Variants in SPAG9 observed in about 807,000 individuals in gnomAD.
SPAG9 encodes the protein C-Jun-amino-terminal kinase-interacting protein 4.
SPAG9 carries 35 observed loss-of-function variants against 166.5 expected under a neutral mutation model. The ratio of observed to expected loss-of-function variants is 0.21; its 90% CI spans 0.16 to 0.28. SPAG9 has a LOEUF of 0.28. SPAG9 is among the 10% of genes least tolerant of loss of function. SPAG9 has a pLI of 1.00. For missense variants in SPAG9, 1,235 were observed against 1,603.3 expected (o/e 0.77, Z 3.92); for synonymous variants, 534 against 565.5 (o/e 0.94, Z 0.79).
In SPAG9 at chr17:51,075,111, G is replaced by A. The variant is rs576833677; in HGVS notation, c.424+4473C>T. On this transcript the variant is annotated intron_variant, in intron 2 of 29. Coordinates refer to ENST00000262013, the MANE Select transcript of SPAG9 (RefSeq NM_001130528.3). ...CTCGGGAGGCTGAGGCAGGAAAATC[G>A]CTTGAACCTGGGAGGCGGAGGTTGC... Among the ~76,000 whole-genome samples the A allele has an allele frequency of 9.7e-5, 14 of 144,866 alleles. No individual in the cohort carries two copies. The South Asian group carries it at 3.1e-3, about 32-fold the overall frequency.
At chr17:51,064,318 A>G (rs1440835216) in intron 2 of SPAG9, among the ~76,000 whole-genome samples, 1 of 152,244 alleles carries the variant, frequency 6.6e-6, no homozygotes, top group Non-Finnish European at 1.5e-5. Flanking sequence ...ATGAGGAACT[A>G]AACAAGTCAA....
In SPAG9 at chr17:50,964,682, T is replaced by A. The variant is rs886603826; in HGVS notation, c.*1590A>T. On this transcript the variant is annotated 3_prime_UTR_variant, in exon 30 of 30. Coordinates refer to ENST00000262013, the MANE Select transcript of SPAG9 (RefSeq NM_001130528.3). ...TTCAAGAAGCTTGAGAGGGAAAAAA[T>A]TGCAGCATCGTGGTTTTAAAAAACT... The A allele has an allele frequency of 9.0e-6, 4 of 442,474 alleles. No homozygotes were observed. The highest frequency in any genetic ancestry group is 1.8e-5 in the Non-Finnish European group (4 of 220,010). 27.4% of individuals were successfully genotyped at this position (442,474 alleles called of 1,614,324 possible).
intron 1 of SPAG9, among the ~76,000 whole-genome samples, chr17:51,086,897 G>T (rs1228973431): frequency 6.6e-6 from 1 of 152,136 alleles, no homozygotes; most frequent in African/African-American, 2.4e-5. Context: ...ACTCCAGCCT[G>T]GGTGACAGAG....
At chr17:51,075,983 T>C (rs977260614) in intron 2 of SPAG9, among the ~76,000 whole-genome samples, 2 of 151,486 alleles carry the variant, frequency 1.3e-5, no homozygotes, top group South Asian at 2.1e-4. Flanking sequence ...TAATCCCAGC[T>C]ACTAGGAAGG....
At chr17:51,006,979 A>G (rs186883863) in intron 10 of SPAG9, among the ~76,000 whole-genome samples, 1 of 152,330 alleles carries the variant, frequency 6.6e-6, no homozygotes, top group Admixed American at 6.5e-5. Context: ...GTGTAAAACC[A>G]GGACAAATTT....
intron 10 of SPAG9, 128 bp downstream of exon 10, chr17:51,007,141 A>G (rs1481897231): frequency 4.6e-5 from 24 of 522,286 alleles, no homozygotes; most frequent in African/African-American, 8.3e-5. Flanking sequence ...GTGTGTGTGC[A>G]CACTCAGAGT....
At chr17:51,088,402 G>A (rs1450990457) in intron 1 of SPAG9, among the ~76,000 whole-genome samples, 77 of 152,216 alleles carry the variant, frequency 5.1e-4, no homozygotes, top group Non-Finnish European at 4.4e-5. Context: ...AGTACTCACT[G>A]TATGAGAGCC....
At chr17:50,986,903 G>GT (rs1248178112) in intron 22 of SPAG9, among the ~76,000 whole-genome samples, 2 of 152,170 alleles carry the variant, frequency 1.3e-5, no homozygotes, top group Non-Finnish European at 2.9e-5. Context: ...GGAACATTCT[G>GT]TGACAAAGAA....
chr17:51,120,190 T>C lies in SPAG9; in HGVS notation c.303+164A>G, dbSNP rs2049434802. Among the ~76,000 whole-genome samples the C allele has an allele frequency of 6.6e-6, 1 of 152,054 alleles. No homozygotes were observed. Among genetic ancestry groups the C allele is most frequent in the Admixed American group, 6.6e-5 (1 of 15,264 alleles). On this transcript the variant is annotated intron_variant, in intron 1 of 29. Transcript: ENST00000262013. The surrounding 1 kb of genome is among the most constrained non-coding windows in gnomAD (Gnocchi z 4.7). The stretch of plus-strand genomic sequence containing the variant: ...CCTCGGCTTCCAACGCCGGCCTGGC[T>C]CCCGGGGTACCTGGAGGCCGCCGGG...
intron 18 of SPAG9, among the ~76,000 whole-genome samples, 185 bp downstream of exon 18, chr17:50,994,872 G>A (rs560837818): frequency 1.3e-5 from 2 of 152,262 alleles, no homozygotes; most frequent in African/African-American, 4.8e-5. Flanking sequence ...CCCATTTCGA[G>A]TGCACACTTT....
At chr17:51,054,725 C>T (rs182344069) in intron 3 of SPAG9, among the ~76,000 whole-genome samples, 12 of 152,094 alleles carry the variant, frequency 7.9e-5, no homozygotes, top group East Asian at 7.8e-4. Flanking sequence ...TGTGAGCCAC[C>T]GCACCTGGCC....
At chr17:50,974,546 A>G (rs573462926) in intron 28 of SPAG9, among the ~76,000 whole-genome samples, 112 of 152,372 alleles carry the variant, frequency 7.4e-4, no homozygotes, top group African/African-American at 2.6e-3. Flanking sequence ...CTCCTAAAGA[A>G]AAATCAACAA....
chr17:50,979,380 G>GAA (rs76167072), intron 26 of SPAG9, among the ~76,000 whole-genome samples: 13 of 76,122 alleles, frequency 1.7e-4, no homozygotes, highest in South Asian at 1.1e-3. Context: ...TTGAAAAAAA[G>GAA]AAAAAAAAAA....
At chr17:50,980,993 C>T (rs1974560547) in intron 25 of SPAG9, among the ~76,000 whole-genome samples, 1 of 152,084 alleles carries the variant, frequency 6.6e-6, no homozygotes, top group African/African-American at 2.4e-5. Context: ...CAGAGTGAGA[C>T]CTTGTCTCAA....
intron 1 of SPAG9, among the ~76,000 whole-genome samples, chr17:51,091,410 G>A (rs368795262): frequency 5.9e-5 from 9 of 152,040 alleles, no homozygotes; most frequent in African/African-American, 2.2e-4. Context: ...GCAAACCTTA[G>A]AATAACCACG....
intron 1 of SPAG9, among the ~76,000 whole-genome samples, chr17:51,088,613 G>A (rs927200593): frequency 4.6e-5 from 7 of 152,118 alleles, no homozygotes; most frequent in Admixed American, 2.6e-4. Flanking sequence ...TGGCTAACAC[G>A]GTGAAACCTC....
At chr17:51,018,964 A>T (rs2045817986) in intron 8 of SPAG9, among the ~76,000 whole-genome samples, 1 of 152,122 alleles carries the variant, frequency 6.6e-6, no homozygotes. Context: ...TCCCCTATAA[A>T]ATTCAGCTGT....
intron 21 of SPAG9, among the ~76,000 whole-genome samples, chr17:50,988,266 A>T (rs568323456): frequency 2.6e-5 from 4 of 152,104 alleles, no homozygotes; most frequent in Admixed American, 6.5e-5. Context: ...GAGGTTGCAA[A>T]TTTTTTTTGT....
chr17:51,120,540 G>A lies in SPAG9; in HGVS notation c.117C>T (p.Ile39=), dbSNP rs965165436. ...GSIYREFERL[I]GRYDEEVVKE... ...TGACCACCTCCTCGTCATAGCGCCCGATAAGCCGCTCGAACTCGCGGTAGA... is the reference window on the plus strand; with the variant it reads ...TGACCACCTCCTCGTCATAGCGCCCAATAAGCCGCTCGAACTCGCGGTAGA... Residue 39 remains isoleucine (I), a synonymous_variant, in exon 1 of 30, where the codon ATC becomes ATT. Transcript: ENST00000262013. The surrounding 1 kb of genome is among the most constrained non-coding windows in gnomAD (Gnocchi z 4.7). 5 of 1,613,874 alleles carry A rather than the reference G, an allele frequency of 3.1e-6. No individual in the cohort carries two copies. The highest frequency in any genetic ancestry group is 4.2e-6 in the Non-Finnish European group (5 of 1,179,892).
Sources: allele counts gnomAD v4.1 joint callset (sites outside exome capture counted in the v4.1 genomes callset), GRCh38; gene constraint gnomAD v4.1.1; non-coding constraint Gnocchi (gnomAD v3.1); transcripts MANE v1.5; gene names NCBI Gene and HGNC (gene_info 2026-07-23, HGNC 2026-07-21).